The following TANC2 variants were observed in gnomAD, a reference collection of about 807,000 sequenced individuals.
TANC2 encodes tetratricopeptide repeat, ankyrin repeat and coiled-coil containing 2.
TANC2 carries 26 observed loss-of-function variants against 210.5 expected under a neutral mutation model. That is an observed-to-expected ratio of 0.12 (90% CI 0.09 to 0.17). The LOEUF is 0.17. Among genes scored for constraint, TANC2 ranks in the 10% least tolerant of loss-of-function variants. The pLI is 1.00. For synonymous variants in TANC2, 931 were observed against 967.1 expected (o/e 0.96, Z 0.69); for missense variants, 2,129 against 2,608.9 (o/e 0.82, Z 4.01).
chr17:63,372,146 ATCC>A, intron 14 of TANC2, among the ~76,000 whole-genome samples: 1 of 152,312 alleles, frequency 6.6e-6, no homozygotes, highest in East Asian at 1.9e-4. Flanking sequence ...AAGATTTACT[ATCC>A]TCCTGAAAAC....
At chr17:63,069,375 G>A (rs1421183452) in intron 2 of TANC2, among the ~76,000 whole-genome samples, 1 of 152,068 alleles carries the variant, frequency 6.6e-6, no homozygotes, top group African/African-American at 2.4e-5. Context: ...TCTTCCAATT[G>A]TAACAACCAA....
intron 8 of TANC2, among the ~76,000 whole-genome samples, chr17:63,240,350 C>T (rs1359216953): frequency 2.6e-5 from 4 of 152,162 alleles, no homozygotes; most frequent in Non-Finnish European, 5.9e-5. Context: ...AATGTTAATT[C>T]AGGGCTATGA....
intron 5 of TANC2, among the ~76,000 whole-genome samples, chr17:63,166,177 A>AG (rs1421438004): frequency 6.6e-6 from 1 of 152,196 alleles, no homozygotes; most frequent in African/African-American, 2.4e-5. Context: ...TCAGAAGAGT[A>AG]GGAAGTTGTG....
intron 8 of TANC2, among the ~76,000 whole-genome samples, chr17:63,263,141 G>A (rs992072321): frequency 1.4e-4 from 22 of 151,930 alleles, no homozygotes; most frequent in Non-Finnish European, 2.8e-4. Context: ...CATTTTAATC[G>A]GCTCTTATCA....
chr17:63,009,458 A>C, intron 1 of TANC2, 79 bp from the exon 2 acceptor site: 1 of 882,100 alleles, frequency 1.1e-6, no homozygotes, highest in Non-Finnish European at 1.8e-6. Context: ...AAACATGTAT[A>C]GTTATTGACT....
At chr17:63,072,532 A>C (rs900797885) in intron 2 of TANC2, among the ~76,000 whole-genome samples, 3 of 152,092 alleles carry the variant, frequency 2.0e-5, no homozygotes, top group Non-Finnish European at 4.4e-5. Flanking sequence ...CAGCAGAACT[A>C]AAATAAACTG....
intron 1 of TANC2, chr17:62,978,628 G>C (rs1240254700): frequency 6.6e-6 from 1 of 152,222 alleles, no homozygotes; most frequent in Admixed American, 6.5e-5. Flanking sequence ...CCTTTTAAGA[G>C]TACCAATTTG....
chr17:63,210,488 A>G (rs773223304), intron 7 of TANC2, among the ~76,000 whole-genome samples: 1 of 152,146 alleles, frequency 6.6e-6, no homozygotes, highest in Non-Finnish European at 1.5e-5. Flanking sequence ...TTATAGTTAT[A>G]TATTTATTTT....
At chr17:63,053,159 C>G (rs2035642756) in intron 2 of TANC2, among the ~76,000 whole-genome samples, 1 of 152,180 alleles carries the variant, frequency 6.6e-6, no homozygotes, top group Non-Finnish European at 1.5e-5. Context: ...TAATTTATAT[C>G]TCATGGTTTA....
intron 2 of TANC2, among the ~76,000 whole-genome samples, chr17:63,066,241 G>A (rs530137130): frequency 6.6e-6 from 1 of 152,212 alleles, no homozygotes; most frequent in Admixed American, 6.5e-5. Flanking sequence ...CTAGTGTGGA[G>A]CCTGTGGCTG....
At chr17:62,982,805 T>C (rs2032369136) in intron 1 of TANC2, among the ~76,000 whole-genome samples, 2 of 152,236 alleles carry the variant, frequency 1.3e-5, no homozygotes, top group South Asian at 4.1e-4. Context: ...TTCTCCTATC[T>C]GTTCCACTGG....
At chr17:63,122,154 G>A (rs572785676) in intron 4 of TANC2, among the ~76,000 whole-genome samples, 8 of 152,322 alleles carry the variant, frequency 5.3e-5, no homozygotes, top group Middle Eastern at 3.4e-3. Flanking sequence ...AATATTTCAT[G>A]TCGGAACTAG....
At chr17:63,262,361 G>GT (rs1015443031) in intron 8 of TANC2, among the ~76,000 whole-genome samples, 2 of 152,074 alleles carry the variant, frequency 1.3e-5, no homozygotes, top group Non-Finnish European at 2.9e-5. Context: ...TTGTTTGTTT[G>GT]TTTAATTTTC....
chr17:63,213,470 T>C lies in TANC2; in HGVS notation c.769+12513T>C, dbSNP rs151171927. 3.9e-3 allele frequency among the ~76,000 whole-genome samples: 601 copies of C among 152,302 alleles called. 9 individuals are homozygous for C. Among genetic ancestry groups the C allele is most frequent in the East Asian group, 6.7e-3 (35 of 5,188 alleles). On this transcript the variant is annotated intron_variant, in intron 7 of 27. Transcript: ENST00000689528. Reference sequence around the variant, plus strand: ...AGAATTACAGAGCCAGCTGACCAAATGAAATTATATTTCAGTCAGATTTTA... The same window carrying C: ...AGAATTACAGAGCCAGCTGACCAAACGAAATTATATTTCAGTCAGATTTTA...
chr17:63,330,356 G>A (rs2045795958), intron 11 of TANC2, among the ~76,000 whole-genome samples: 1 of 152,182 alleles, frequency 6.6e-6, no homozygotes, highest in African/African-American at 2.4e-5. Flanking sequence ...GATAATTGAT[G>A]AAAGTGGCTA....
In TANC2 at chr17:63,237,809, T is replaced by C. The variant is rs1459485096; in HGVS notation, c.770-5T>C. On this transcript the variant is annotated splice_polypyrimidine_tract_variant and splice_region_variant and intron_variant, in intron 7 of 27. Coordinates refer to ENST00000689528, the Ensembl canonical transcript of TANC2. ...ATTAAATTCATTTTACTCTTTTTTT[T>C]TCAGCTACATTAACAAGCTATTCTG... is the stretch of plus-strand genomic sequence containing the variant. 1 of 1,534,292 alleles carries C rather than the reference T, an allele frequency of 6.5e-7. No homozygotes were observed. The highest frequency in any genetic ancestry group is 8.8e-7 in the Non-Finnish European group (1 of 1,141,342).
At chr17:63,245,395 A>G (rs1403217680) in intron 8 of TANC2, among the ~76,000 whole-genome samples, 1 of 152,176 alleles carries the variant, frequency 6.6e-6, no homozygotes, top group East Asian at 1.9e-4. Flanking sequence ...ATATATGTAA[A>G]TCATACCAGT....
chr17:62,976,501 T>C (rs930672939), intron 1 of TANC2, among the ~76,000 whole-genome samples: 4 of 151,850 alleles, frequency 2.6e-5, no homozygotes, highest in Admixed American at 6.6e-5. Context: ...AAGGGACTTA[T>C]CTATTTACAG....
Position 63,072,546 on chromosome 17 carries a change from T to C in TANC2, c.68-1397T>C, listed in dbSNP as rs146041931. Among the ~76,000 whole-genome samples the C allele has an allele frequency of 3.8e-3, 577 of 152,214 alleles. 10 individuals carry two copies. Among genetic ancestry groups the C allele is most frequent in the Admixed American group, 0.035 (542 of 15,288 alleles). On this transcript the variant is annotated intron_variant, in intron 2 of 27. Transcript: ENST00000689528. ...ACAGCAGAACTAAAATAAACTGATTTATATTTAAAAAGTATTTTCATACTG... is the reference window on the plus strand; with the variant it reads ...ACAGCAGAACTAAAATAAACTGATTCATATTTAAAAAGTATTTTCATACTG...
Sources: gnomAD v4.1 joint callset for allele counts (sites outside exome capture counted in the v4.1 genomes callset) on GRCh38, gnomAD v4.1.1 for gene constraint, MANE v1.5 for transcripts, NCBI Gene and HGNC (gene_info 2026-07-23, HGNC 2026-07-21) for gene names.